The following SPOCK3 variants were observed in gnomAD, a reference collection of about 807,000 sequenced individuals.
SPOCK3 encodes SPARC (osteonectin), cwcv and kazal like domains proteoglycan 3, also known as testican-3.
In SPOCK3, 30 loss-of-function variants were observed where a neutral mutation model predicts 56.6. The observed-to-expected ratio is 0.53, with a 90% CI of 0.40 to 0.72. The LOEUF (loss-of-function observed/expected upper bound fraction) is 0.72. SPOCK3 is among the 30% of genes least tolerant of loss of function. The pLI, the probability that SPOCK3 is intolerant of heterozygous loss-of-function variation, is 0.00. For missense variants in SPOCK3, 527 were observed against 530.0 expected, an observed-to-expected ratio of 0.99 and a Z score of 0.06; for synonymous variants, 196 against 183.3, an observed-to-expected ratio of 1.07 and a Z score of -0.56.
rs1266766618 is a variant in SPOCK3, at chr4:167,226,183, A to G, written c.189+7802T>C. Reference sequence around the variant, plus strand: ...AATGATTTCACTAAAGGAAAACAGCATTGGTAAGTAGATTCAGTCTCTCCT... The same window carrying G: ...AATGATTTCACTAAAGGAAAACAGCGTTGGTAAGTAGATTCAGTCTCTCCT... On this transcript the variant is annotated intron_variant, in intron 2 of 10. Coordinates refer to ENST00000357545, the MANE Select transcript of SPOCK3 (RefSeq NM_001040159.2). Among the ~76,000 whole-genome samples, 4 of 152,192 alleles carry G rather than the reference A, an allele frequency of 2.6e-5. No individual in the cohort carries two copies. The East Asian group carries it at 7.7e-4, about 29-fold the overall frequency.
chr4:166,921,535 C>G (rs1738486273), intron 4 of SPOCK3, among the ~76,000 whole-genome samples: 1 of 152,074 alleles, frequency 6.6e-6, no homozygotes, highest in Non-Finnish European at 1.5e-5. Flanking sequence ...CCAGGATAGT[C>G]TCAATCTCTT....
intron 6 of SPOCK3, among the ~76,000 whole-genome samples, chr4:166,835,695 A>G (rs1461591746): frequency 6.6e-6 from 1 of 152,174 alleles, no homozygotes; most frequent in Non-Finnish European, 1.5e-5. Context: ...TTCATGAGAC[A>G]ATATAAATAT....
At chr4:167,155,716 A>T (rs1481318260) in intron 2 of SPOCK3, among the ~76,000 whole-genome samples, 23 of 152,168 alleles carry the variant, frequency 1.5e-4, no homozygotes, top group Non-Finnish European at 2.9e-5. Flanking sequence ...GGGTCAAAGA[A>T]GTTAAATGAA....
intron 5 of SPOCK3, among the ~76,000 whole-genome samples, chr4:166,909,113 G>T (rs1382209398): frequency 1.1e-4 from 16 of 151,984 alleles, no homozygotes; most frequent in Non-Finnish European, 1.9e-4. Flanking sequence ...AATCACAAAT[G>T]TCCCAAGATT....
At chr4:167,187,042 G>A (rs1352408907) in intron 2 of SPOCK3, among the ~76,000 whole-genome samples, 3 of 150,624 alleles carry the variant, frequency 2.0e-5, no homozygotes, top group Non-Finnish European at 4.4e-5. Flanking sequence ...TAAGAAGCCA[G>A]AAATTATAAT....
intron 3 of SPOCK3, among the ~76,000 whole-genome samples, chr4:167,059,820 C>T (rs1047215018): frequency 2.6e-5 from 4 of 152,016 alleles, no homozygotes; most frequent in African/African-American, 7.3e-5. Context: ...TACTATGCAG[C>T]CATAAAAAAT....
At chr4:166,860,817 GTA>G (rs1307737257) in intron 6 of SPOCK3, among the ~76,000 whole-genome samples, 1 of 31,162 alleles carries the variant, frequency 3.2e-5, no homozygotes, top group African/African-American at 1.1e-4. Flanking sequence ...ATATATATAT[GTA>G]TATATATATA....
intron 3 of SPOCK3, among the ~76,000 whole-genome samples, chr4:167,052,174 T>C: frequency 6.6e-6 from 1 of 152,220 alleles, no homozygotes; most frequent in Non-Finnish European, 1.5e-5. Context: ...TTTTATGGGC[T>C]ATGGTGTAAA....
At chr4:166,962,779 G>T (rs1482700312) in intron 4 of SPOCK3, among the ~76,000 whole-genome samples, 1 of 151,894 alleles carries the variant, frequency 6.6e-6, no homozygotes, top group Non-Finnish European at 1.5e-5. Flanking sequence ...TTTAATCAAA[G>T]AACAAATTAT....
At chr4:167,195,967 G>C (rs2071531202) in intron 2 of SPOCK3, among the ~76,000 whole-genome samples, 1 of 152,166 alleles carries the variant, frequency 6.6e-6, no homozygotes, top group Non-Finnish European at 1.5e-5. Context: ...TATTGCTGAT[G>C]TCACTCTCAA....
intron 2 of SPOCK3, among the ~76,000 whole-genome samples, chr4:167,116,466 A>G (rs1761342416): frequency 8.3e-6 from 1 of 121,054 alleles, no homozygotes; most frequent in East Asian, 2.4e-4. Context: ...ATATATATAC[A>G]CACTTTTGTA....
At chr4:166,816,724 T>C (rs1269252806) in intron 6 of SPOCK3, among the ~76,000 whole-genome samples, 1 of 152,058 alleles carries the variant, frequency 6.6e-6, no homozygotes, top group African/African-American at 2.4e-5. Context: ...CTTTATTCTC[T>C]TCCAGAGCCC....
At chr4:166,812,619 C>T (rs559383235) in intron 6 of SPOCK3, among the ~76,000 whole-genome samples, 60 of 152,010 alleles carry the variant, frequency 3.9e-4, no homozygotes, top group African/African-American at 1.4e-3. Context: ...AGAAATAGTG[C>T]TTCTATTTCC....
intron 2 of SPOCK3, among the ~76,000 whole-genome samples, chr4:167,128,132 A>G (rs1415707347): frequency 6.6e-6 from 1 of 152,122 alleles, no homozygotes; most frequent in Non-Finnish European, 1.5e-5. Flanking sequence ...CTTCTTTTCC[A>G]TGCATAAATT....
chr4:167,021,888 T>C (rs1335336534), intron 3 of SPOCK3, among the ~76,000 whole-genome samples: 5 of 151,940 alleles, frequency 3.3e-5, no homozygotes. Context: ...TAACTAAAGG[T>C]TTTTGGACCC....
chr4:166,843,020 C>G (rs1370234984), intron 6 of SPOCK3, among the ~76,000 whole-genome samples: 1 of 152,218 alleles, frequency 6.6e-6, no homozygotes, highest in Non-Finnish European at 1.5e-5. Flanking sequence ...CCCCAGTGGG[C>G]CGGCGCTGCT....
chr4:166,954,794 G>A (rs1041614211), intron 4 of SPOCK3, among the ~76,000 whole-genome samples: 9 of 152,108 alleles, frequency 5.9e-5, no homozygotes, highest in African/African-American at 2.2e-4. Context: ...ATGATTCTTA[G>A]TGCCTATTGG....
intron 2 of SPOCK3, chr4:167,062,765 T>C: frequency 4.0e-6 from 2 of 494,996 alleles, no homozygotes; most frequent in Non-Finnish European, 7.3e-6. Flanking sequence ...GAAATGTCTT[T>C]CAATAAACCT....
At chr4:167,116,413 G>GTATA (rs201984574) in intron 2 of SPOCK3, among the ~76,000 whole-genome samples, 3,617 of 140,612 alleles carry the variant, frequency 0.026, 77 homozygotes, top group Non-Finnish European at 0.039. Flanking sequence ...ATACACAAAA[G>GTATA]TATATATATA....
Sources: gnomAD v4.1 joint callset for allele counts (sites outside exome capture counted in the v4.1 genomes callset) on GRCh38, gnomAD v4.1.1 for gene constraint, MANE v1.5 for transcripts, NCBI Gene and HGNC (gene_info 2026-07-23, HGNC 2026-07-21) for gene names.